GAB2: variants seen among roughly 807,000 people sequenced by gnomAD.
The protein encoded by GAB2 is GRB2 associated binding protein 2, also known as GRB2-associated-binding protein 2.
GAB2 carries 26 observed loss-of-function variants against 65.5 expected under a neutral mutation model. That is an observed-to-expected ratio of 0.40 (90% CI 0.29 to 0.55). The LOEUF (loss-of-function observed/expected upper bound fraction) is 0.55. Among genes scored for constraint, GAB2 ranks in the 20% least tolerant of loss-of-function variants. The pLI, the probability that GAB2 is intolerant of heterozygous loss-of-function variation, is 0.53. For missense variants in GAB2, 884 were observed against 875.8 expected (o/e 1.01, Z -0.12); for synonymous variants, 321 against 329.6 (o/e 0.97, Z 0.28).
chr11:78,294,670 G>A (rs532524089), intron 1 of GAB2, among the ~76,000 whole-genome samples: 38 of 152,236 alleles, frequency 2.5e-4, no homozygotes, highest in African/African-American at 4.3e-4. Flanking sequence ...TGGTGCTGGG[G>A]AAACTGGCTA....
chr11:78,288,638 G>A (rs536492136), intron 1 of GAB2, among the ~76,000 whole-genome samples: 2 of 152,136 alleles, frequency 1.3e-5, no homozygotes, highest in East Asian at 3.8e-4. Flanking sequence ...GCTGTGCAGG[G>A]CATGTATGCT....
At chr11:78,325,215 CTTTG>C (rs527565061) in intron 1 of GAB2, among the ~76,000 whole-genome samples, 176 of 152,280 alleles carry the variant, frequency 1.2e-3, no homozygotes, top group African/African-American at 4.0e-3. Flanking sequence ...GATTCTGAGA[CTTTG>C]TTTGTAGTTA....
Position 78,261,079 on chromosome 11 carries a change from G to A in GAB2, c.377-10679C>T, listed in dbSNP as rs1016872422. On this transcript the variant is annotated intron_variant, in intron 2 of 9. Coordinates refer to ENST00000361507, the MANE Select transcript of GAB2 (RefSeq NM_080491.3). ...TATATGTATGTATGTATATATATAT[G>A]TGTGTGTGTATATGTATGTCTGAGA... Among the ~76,000 whole-genome samples, 3 of 151,844 alleles carry A rather than the reference G, an allele frequency of 2.0e-5. No homozygotes were observed. In the South Asian group the frequency reaches 6.2e-4, roughly 32 times the overall value.
chr11:78,338,824 A>G (rs1403234760), intron 1 of GAB2, among the ~76,000 whole-genome samples: 1 of 152,206 alleles, frequency 6.6e-6, no homozygotes, highest in African/African-American at 2.4e-5. Context: ...TGCTCCAAAA[A>G]CAATGACTCC....
At chr11:78,307,363 A>AT (rs1855385335) in intron 1 of GAB2, among the ~76,000 whole-genome samples, 1 of 152,236 alleles carries the variant, frequency 6.6e-6, no homozygotes, top group African/African-American at 2.4e-5. Context: ...TTTTTGTTCA[A>AT]TAATAAAAGC....
Position 78,361,853 on chromosome 11 carries a change from T to C in GAB2, c.75+55793A>G, listed in dbSNP as rs961864202. Among the ~76,000 whole-genome samples the C allele has an allele frequency of 1.3e-4, 19 of 151,600 alleles. No homozygotes were observed. The South Asian group carries it at 3.9e-3, about 31-fold the overall frequency. On this transcript the variant is annotated intron_variant, in intron 1 of 9. Transcript: ENST00000361507. The stretch of plus-strand genomic sequence containing the variant: ...GAGTATATATCCTTTAACCAGGCAA[T>C]GCCAGAAACTTATCCTAGAGATAAA...
intron 1 of GAB2, among the ~76,000 whole-genome samples, chr11:78,402,378 G>C (rs977325734): frequency 5.9e-5 from 9 of 151,570 alleles, no homozygotes; most frequent in African/African-American, 1.7e-4. Flanking sequence ...CTAATTGTTT[G>C]ATAAATTACT....
intron 1 of GAB2, among the ~76,000 whole-genome samples, chr11:78,360,383 T>C (rs1452801643): frequency 8.4e-5 from 10 of 118,416 alleles, no homozygotes; most frequent in African/African-American, 2.6e-4. Flanking sequence ...GACGAAGCCC[T>C]GTTTCTGTAT....
rs1207122760 is a variant in GAB2, at chr11:78,219,224, G to T, written c.*48C>A. 1.3e-6 allele frequency: 2 copies of T among 1,576,358 alleles called. No individual in the cohort carries two copies. The highest frequency in any genetic ancestry group is 3.4e-5 in the Admixed American group (2 of 59,366). On this transcript the variant is annotated 3_prime_UTR_variant, in exon 10 of 10. Coordinates refer to ENST00000361507, the MANE Select transcript of GAB2 (RefSeq NM_080491.3). ...GAGAGGGGAGAGGGGAGATGGGAAG[G>T]GCCAGCTCTGGAGATGCTGCCTCCT...
intron 1 of GAB2, among the ~76,000 whole-genome samples, chr11:78,321,872 A>G (rs1409711129): frequency 1.1e-5 from 1 of 87,538 alleles, no homozygotes; most frequent in African/African-American, 5.0e-5. Context: ...TGACAAAGTT[A>G]AAAAAAAAAA....
intron 1 of GAB2, among the ~76,000 whole-genome samples, chr11:78,353,338 G>A (rs534799951): frequency 4.6e-5 from 7 of 152,186 alleles, no homozygotes; most frequent in Non-Finnish European, 8.8e-5. Context: ...CTACTCGGGA[G>A]GCTGAGGCAG....
intron 1 of GAB2, among the ~76,000 whole-genome samples, chr11:78,381,367 C>G (rs1378452410): frequency 6.6e-6 from 1 of 152,128 alleles, no homozygotes; most frequent in East Asian, 1.9e-4. Flanking sequence ...TCCAACTAAC[C>G]TGTGGTCAAG....
At chr11:78,231,523 T>G (rs1407056585) in intron 3 of GAB2, among the ~76,000 whole-genome samples, 1 of 152,176 alleles carries the variant, frequency 6.6e-6, no homozygotes, top group African/African-American at 2.4e-5. Flanking sequence ...CTAATTTTTG[T>G]ATATTTAGTA....
chr11:78,331,058 C>T (rs903366742), intron 1 of GAB2, among the ~76,000 whole-genome samples: 1 of 151,920 alleles, frequency 6.6e-6, no homozygotes, highest in Admixed American at 6.6e-5. Flanking sequence ...ACCTGTAATC[C>T]CAGCTACTCG....
chr11:78,380,444 T>C (rs984243549), intron 1 of GAB2, among the ~76,000 whole-genome samples: 8 of 152,188 alleles, frequency 5.3e-5, no homozygotes, highest in East Asian at 1.9e-4. Flanking sequence ...GACCGCGTGA[T>C]CCGCCTGCCT....
chr11:78,356,140 T>C (rs1591062398), intron 1 of GAB2, among the ~76,000 whole-genome samples: 2 of 148,194 alleles, frequency 1.3e-5, no homozygotes, highest in Non-Finnish European at 3.0e-5. Context: ...GTCACTGCAC[T>C]CTAGCCTGGG....
chr11:78,414,744 C>T (rs1336684125), intron 1 of GAB2, among the ~76,000 whole-genome samples: 1 of 152,168 alleles, frequency 6.6e-6, no homozygotes, highest in Non-Finnish European at 1.5e-5. Context: ...GTCTCTTATA[C>T]TTATACTTAA....
At chr11:78,364,506 T>C (rs115617205) in intron 1 of GAB2, among the ~76,000 whole-genome samples, 1,876 of 152,344 alleles carry the variant, frequency 0.012, 32 homozygotes, top group African/African-American at 0.043. Context: ...TTGTATACTA[T>C]TTTACTTTGA....
In GAB2 at chr11:78,346,694, TATATATATATATATATATATATATATAA is replaced by T. The variant is rs1295793511; in HGVS notation, c.76-65821_76-65794del. Reference sequence around the variant, plus strand: ...CCCTCCATATATATATATATATATATATATATATATATATATATATATATATAATTTTTTTTTTTTTTAGGAAAAGAAA... The same window carrying T: ...CCCTCCATATATATATATATATATATTTTTTTTTTTTTTTAGGAAAAGAAA... On this transcript the variant is annotated intron_variant, in intron 1 of 9. Transcript: ENST00000361507. Among the ~76,000 whole-genome samples the T allele has an allele frequency of 4.6e-4, 42 of 91,042 alleles. 2 individuals are homozygous for T. The highest frequency in any genetic ancestry group is 1.0e-3 in the African/African-American group (14 of 13,692). 59.7% of individuals were successfully genotyped at this position (91,042 alleles called of 152,430 possible). A position where few individuals can be genotyped will look rare whatever the true frequency, so the allele number is the denominator to read the frequency against.
Sources: allele counts gnomAD v4.1 joint callset (sites outside exome capture counted in the v4.1 genomes callset), GRCh38; gene constraint gnomAD v4.1.1; transcripts MANE v1.5; gene names NCBI Gene and HGNC (gene_info 2026-07-23, HGNC 2026-07-21).